MSRA: variants seen among roughly 807,000 people sequenced by gnomAD.
The protein encoded by MSRA is mitochondrial peptide methionine sulfoxide reductase.
Under a neutral mutation model 31.3 loss-of-function variants are expected in MSRA, and 54 were observed. The observed-to-expected ratio is 1.73, with a 90% CI of 1.39 to 2.17. The LOEUF (loss-of-function observed/expected upper bound fraction) is 2.17. Ranked by LOEUF, MSRA falls within the 30% of genes most tolerant of loss-of-function variation. The probability of loss-of-function intolerance (pLI) is 0.00; values close to 1 mark genes in which losing one functional copy is unlikely to be tolerated. For missense variants in MSRA, 507 were observed against 300.9 expected, an observed-to-expected ratio of 1.69 and a Z score of -5.07; for synonymous variants, 169 against 116.5, an observed-to-expected ratio of 1.45 and a Z score of -2.90.
chr8:10,285,182 T>TG (rs1799868843), intron 3 of MSRA, among the ~76,000 whole-genome samples: 1 of 152,144 alleles, frequency 6.6e-6, no homozygotes, highest in Non-Finnish European at 1.5e-5. Context: ...AAACCAAAAC[T>TG]CTGTGACCAT....
chr8:10,424,791 TG>T (rs1239350644), intron 5 of MSRA, among the ~76,000 whole-genome samples: 1 of 152,056 alleles, frequency 6.6e-6, no homozygotes, highest in Non-Finnish European at 1.5e-5. Context: ...GGCTCCCTGG[TG>T]AACAGTCAGG....
intron 1 of MSRA, among the ~76,000 whole-genome samples, chr8:10,126,052 G>C (rs923998614): frequency 2.6e-5 from 4 of 152,210 alleles, no homozygotes; most frequent in African/African-American, 9.6e-5. Context: ...TAGAAGGAAA[G>C]CAGGGAAAAC....
At position 10,419,144 on chromosome 8, in the gene MSRA, G is replaced by A. The variant is rs562176114; in HGVS notation, c.544-9004G>A. Among the ~76,000 whole-genome samples, 10 of 152,126 alleles carry A rather than the reference G, an allele frequency of 6.6e-5. No homozygotes were observed. The South Asian group carries it at 2.1e-3, about 32-fold the overall frequency. On this transcript the variant is annotated intron_variant, in intron 5 of 5. Coordinates refer to ENST00000317173, the MANE Select transcript of MSRA (RefSeq NM_012331.5). ...GAGCCAGCCCCCTCCACTCCCTCCC[G>A]ACCCTGCTCTGTAGAATTCCTATAC...
intron 3 of MSRA, among the ~76,000 whole-genome samples, chr8:10,269,753 G>A (rs761928527): frequency 4.6e-5 from 7 of 152,278 alleles, no homozygotes; most frequent in African/African-American, 7.2e-5. Context: ...CGGGGTTCAC[G>A]CCATTCCCCT....
chr8:10,408,272 C>T (rs889476547), intron 5 of MSRA, among the ~76,000 whole-genome samples: 1 of 152,196 alleles, frequency 6.6e-6, no homozygotes, highest in Non-Finnish European at 1.5e-5. Context: ...CGTGGTGGCT[C>T]ATGCTTGTAA....
chr8:10,100,679 C>T (rs373074313), intron 1 of MSRA, among the ~76,000 whole-genome samples: 29 of 152,096 alleles, frequency 1.9e-4, no homozygotes, highest in Non-Finnish European at 1.8e-4. Flanking sequence ...AATAATTGTA[C>T]CACCTCTGCA....
chr8:10,393,061 CAAAA>C (rs768294679), intron 5 of MSRA, among the ~76,000 whole-genome samples: 3 of 77,712 alleles, frequency 3.9e-5, no homozygotes, highest in Non-Finnish European at 6.8e-5. Flanking sequence ...GACTCCGTCT[CAAAA>C]AAAAAAAAAA....
At chr8:10,147,967 G>A (rs1011606828) in intron 1 of MSRA, among the ~76,000 whole-genome samples, 3 of 152,180 alleles carry the variant, frequency 2.0e-5, no homozygotes, top group African/African-American at 7.2e-5. Context: ...GGGGAAGCGA[G>A]TCTCCCATGG....
Position 10,096,555 on chromosome 8 carries a change from T to C in MSRA, c.142+41897T>C, listed in dbSNP as rs775404447. 2.2e-4 allele frequency among the ~76,000 whole-genome samples: 34 copies of C among 152,246 alleles called. 1 individual carries two copies. Among genetic ancestry groups the C allele is most frequent in the Middle Eastern group, 3.4e-3 (1 of 294 alleles). On this transcript the variant is annotated intron_variant, in intron 1 of 5. Coordinates refer to ENST00000317173, the MANE Select transcript of MSRA (RefSeq NM_012331.5). ...TGTGTTTGCAATACTTGGAGAAAAA[T>C]TTCTTATTTTTGGTTGATTAGATTT...
At chr8:10,281,320 A>G (rs1000177130) in intron 3 of MSRA, among the ~76,000 whole-genome samples, 5 of 152,170 alleles carry the variant, frequency 3.3e-5, no homozygotes, top group African/African-American at 1.2e-4. Context: ...ACTTTTCCCC[A>G]TCGTTGGAAA....
chr8:10,236,451 G>C (rs1050750646), intron 2 of MSRA, among the ~76,000 whole-genome samples: 1 of 152,206 alleles, frequency 6.6e-6, no homozygotes, highest in Non-Finnish European at 1.5e-5. Context: ...TTATACACCA[G>C]CACTAAGTAA....
At chr8:10,137,588 A>G (rs1264859628) in intron 1 of MSRA, among the ~76,000 whole-genome samples, 2 of 152,234 alleles carry the variant, frequency 1.3e-5, no homozygotes, top group South Asian at 2.1e-4. Context: ...AGTAGGAATC[A>G]GTCATGTGAT....
chr8:10,125,988 T>G (rs947902032), intron 1 of MSRA, among the ~76,000 whole-genome samples: 6 of 152,082 alleles, frequency 3.9e-5, no homozygotes, highest in Admixed American at 2.6e-4. Context: ...AATGTCAGAG[T>G]CTCCTACAGA....
At chr8:10,402,358 G>A (rs1433553181) in intron 5 of MSRA, among the ~76,000 whole-genome samples, 1 of 152,258 alleles carries the variant, frequency 6.6e-6, no homozygotes, top group Non-Finnish European at 1.5e-5. Context: ...ACAGGCCTCT[G>A]ATGCTGAACG....
chr8:10,351,745 G>GGC (rs1804163427), intron 5 of MSRA, among the ~76,000 whole-genome samples: 1 of 152,196 alleles, frequency 6.6e-6, no homozygotes, highest in Non-Finnish European at 1.5e-5. Context: ...ATGAATAGAA[G>GGC]GCAGTACTTC....
chr8:10,320,243 A>G, intron 5 of MSRA: 2 of 274,408 alleles, frequency 7.3e-6, no homozygotes, highest in East Asian at 1.3e-4. Context: ...CCGAAGCAGA[A>G]GGATACTTGA....
chr8:10,196,671 T>G (rs995223846), intron 1 of MSRA, among the ~76,000 whole-genome samples: 3 of 152,224 alleles, frequency 2.0e-5, no homozygotes, highest in African/African-American at 7.2e-5. Flanking sequence ...TGCCTCACCC[T>G]CCCGAGTAGC....
chr8:10,268,749 G>C (rs1798874874), intron 3 of MSRA, among the ~76,000 whole-genome samples: 1 of 152,220 alleles, frequency 6.6e-6, no homozygotes, highest in African/African-American at 2.4e-5. Context: ...CTTTTGAGCA[G>C]GGCTACAGTC....
At chr8:10,108,275 A>G (rs1800031260) in intron 1 of MSRA, among the ~76,000 whole-genome samples, 1 of 152,212 alleles carries the variant, frequency 6.6e-6, no homozygotes, top group Admixed American at 6.5e-5. Flanking sequence ...CTCACAGGGC[A>G]AGATCCTTTC....
Sources: allele counts gnomAD v4.1 joint callset (sites outside exome capture counted in the v4.1 genomes callset), GRCh38; gene constraint gnomAD v4.1.1; transcripts MANE v1.5; gene names NCBI Gene and HGNC (gene_info 2026-07-23, HGNC 2026-07-21).